Variants in TNS1 observed in about 807,000 individuals in gnomAD.
TNS1 encodes tensin-1.
In TNS1, 62 loss-of-function variants were observed where a neutral mutation model predicts 168.6. The observed-to-expected ratio is 0.37, with a 90% CI of 0.30 to 0.45. The LOEUF (loss-of-function observed/expected upper bound fraction) is 0.45, where lower values mean the gene tolerates loss of function less well. TNS1 is among the 20% of genes least tolerant of loss of function. TNS1 has a pLI of 1.00. For missense variants in TNS1, 2,240 were observed against 2,339.4 expected, an observed-to-expected ratio of 0.96 and a Z score of 0.88; for synonymous variants, 934 against 933.2, an observed-to-expected ratio of 1.00 and a Z score of -0.02.
In TNS1 at chr2:217,881,050, G is replaced by C. The variant is rs201983001; in HGVS notation, c.1313-36C>G. On this transcript the variant is annotated intron_variant, in intron 17 of 32. Transcript: ENST00000682258. ...TGGGAAAGGCAGCGGCAGTCGGGGA[G>C]ACAGTGCAGAGAGGGAAAAGAGATC... is the stretch of plus-strand genomic sequence containing the variant. 1.5e-3 allele frequency: 2,114 copies of C among 1,444,636 alleles called. 2 individuals are homozygous for C. Among genetic ancestry groups the C allele is most frequent in the Non-Finnish European group, 1.9e-3 (1,931 of 1,025,182 alleles). The allele number at this position is 1,444,636 out of a possible 1,614,324, so 89.5% of individuals were successfully genotyped here. A position where few individuals can be genotyped will look rare whatever the true frequency, so the allele number is the denominator to read the frequency against.
At position 217,848,416 on chromosome 2, in the gene TNS1, C is replaced by T. The variant is rs1946987889; in HGVS notation, c.2101G>A (p.Ala701Thr). ...RAGPAHAGHT[A>T]PMRPSYSAQE... ...GCAGAGTAGGAGGGCCGCATGGGGG[C>T]CGTGTGGCCAGCATGGGCAGGCCCC... Residue 701 changes from alanine to threonine, a missense_variant, in exon 19 of 33, where the codon GCC becomes ACC. Physicochemically the swap from Ala to Thr is moderately conservative, Grantham distance 58 (BLOSUM62 0). This residue lies in a region of TNS1 where 2,131 missense variants were observed against 2,171.2 expected (regional missense o/e 0.98). Transcript: ENST00000682258. 3.8e-6 allele frequency: 6 copies of T among 1,599,456 alleles called. No homozygotes were observed. In the East Asian group the frequency reaches 1.1e-4, roughly 30 times the overall value.
At chr2:217,946,800 T>A (rs934184804) in intron 3 of TNS1, among the ~76,000 whole-genome samples, 16 of 151,930 alleles carry the variant, frequency 1.1e-4, no homozygotes, top group African/African-American at 3.6e-4. Context: ...ACCCAGCAAG[T>A]CCCTTGAAAC....
At position 217,995,534 on chromosome 2, in the gene TNS1, T is replaced by C. The variant is rs1958453686; in HGVS notation, c.34-4478A>G. Among the ~76,000 whole-genome samples the C allele has an allele frequency of 6.6e-6, 1 of 152,126 alleles. No individual in the cohort carries two copies. The highest frequency in any genetic ancestry group is 2.4e-5 in the African/African-American group (1 of 41,406). ...CCTACCCAGCCCTCCCCCCGGGTTG[T>C]TCTGCAGGTACAGGCAGAGGATGTA... On this transcript the variant is annotated intron_variant, in intron 1 of 32. Coordinates refer to ENST00000682258, the MANE Select transcript of TNS1 (RefSeq NM_001387777.1). The surrounding 1 kb of genome is among the most constrained non-coding windows in gnomAD (Gnocchi z 4.1).
intron 1 of TNS1, among the ~76,000 whole-genome samples, chr2:217,999,340 G>A (rs1958521841): frequency 6.6e-6 from 1 of 152,184 alleles, no homozygotes; most frequent in African/African-American, 2.4e-5. Context: ...TGTATGTGTG[G>A]ATTAGCTCAT....
chr2:217,824,688 C>T (rs1363943300), intron 22 of TNS1, among the ~76,000 whole-genome samples: 1 of 152,138 alleles, frequency 6.6e-6, no homozygotes, highest in African/African-American at 2.4e-5. Context: ...GAGGGAGTCT[C>T]ACCCACAGCC....
chr2:217,938,242 C>T (rs1468105343), intron 3 of TNS1, among the ~76,000 whole-genome samples: 2 of 152,214 alleles, frequency 1.3e-5, no homozygotes, highest in Non-Finnish European at 2.9e-5. Flanking sequence ...CCCAGAGCAA[C>T]CCCAGCCTCC....
intron 1 of TNS1, among the ~76,000 whole-genome samples, chr2:218,030,899 G>C (rs1958886301): frequency 6.6e-6 from 1 of 152,162 alleles, no homozygotes; most frequent in Non-Finnish European, 1.5e-5. Context: ...GTGTGTGTAT[G>C]CATGTATGCG....
chr2:218,008,321 G>A (rs571254284), intron 1 of TNS1, among the ~76,000 whole-genome samples: 113 of 152,300 alleles, frequency 7.4e-4, no homozygotes, highest in African/African-American at 2.6e-3. Context: ...ACCCCCAGTC[G>A]CCAGCTCAAA....
At chr2:217,911,836 CT>C (rs1160782334) in intron 4 of TNS1, among the ~76,000 whole-genome samples, 5 of 152,234 alleles carry the variant, frequency 3.3e-5, no homozygotes, top group Non-Finnish European at 7.3e-5. Context: ...GGGGAACAAG[CT>C]TTCTGAAAAT....
At chr2:217,884,235 A>G (rs1950971941) in intron 16 of TNS1, among the ~76,000 whole-genome samples, 1 of 151,792 alleles carries the variant, frequency 6.6e-6, no homozygotes, top group South Asian at 2.1e-4. Context: ...TAATGAAGGG[A>G]TGGATTAATG....
chr2:217,841,235 G>C, intron 19 of TNS1: 8 of 985,154 alleles, frequency 8.1e-6, no homozygotes, highest in African/African-American at 1.7e-5. Context: ...TGGAGAGGAG[G>C]GGGCGGGAAG....
intron 3 of TNS1, among the ~76,000 whole-genome samples, chr2:217,966,859 G>A (rs1015310801): frequency 2.6e-5 from 4 of 152,312 alleles, no homozygotes; most frequent in East Asian, 1.9e-4. Context: ...TCTCAGACCC[G>A]AGCAGGAAGC....
chr2:217,817,898 G>T lies in TNS1; in HGVS notation c.4434C>A (p.Ser1478=). The T allele has an allele frequency of 6.2e-7, 1 of 1,613,986 alleles. No homozygotes were observed. The highest frequency in any genetic ancestry group is 2.2e-5 in the East Asian group (1 of 44,878). ...SSPATSPSPD[S]AAFRQGSPTP... is the part of the protein sequence containing the mutation. ...TTGGGCTCCCTTGCCGGAAGGCTGC[G>T]GAGTCTGGTGACGGGGAGGTGGCAG... The change falls in exon 24 of 33, where the codon TCC becomes TCA. Residue 1478 remains serine, a synonymous_variant. Transcript: ENST00000682258.
At chr2:217,830,265 C>A (rs1443303728) in intron 22 of TNS1, 1 of 1,457,150 alleles carries the variant, frequency 6.9e-7, no homozygotes, top group Non-Finnish European at 9.5e-7. Context: ...TCTACTGATC[C>A]CCCGTGGCTC....
chr2:217,837,979 C>T (rs1489126919), intron 19 of TNS1, among the ~76,000 whole-genome samples: 2 of 152,258 alleles, frequency 1.3e-5, no homozygotes. Flanking sequence ...AACACTGCCA[C>T]TGATTTCATT....
rs1166899142 is a variant in TNS1 at position 217,851,678 on chromosome 2, C to A, written c.1430-2591G>T. ...GCTAAAATACATTCTGAATCTCCAC[C>A]AACCTGGCCCTGTGCCTAGACCCCT... On this transcript the variant is annotated intron_variant, in intron 18 of 32. Transcript: ENST00000682258. Among the ~76,000 whole-genome samples, 9 of 152,178 alleles carry A rather than the reference C, an allele frequency of 5.9e-5. No homozygotes were observed. In the East Asian group the frequency reaches 1.4e-3, roughly 23 times the overall value.
intron 28 of TNS1, among the ~76,000 whole-genome samples, chr2:217,810,733 C>T (rs1940708899): frequency 6.6e-6 from 1 of 152,092 alleles, no homozygotes; most frequent in South Asian, 2.1e-4. Context: ...TCAATAAATC[C>T]CCTAATTCCC....
chr2:217,982,132 A>G lies in TNS1; in HGVS notation c.149-3330T>C, dbSNP rs1199021781. Among the ~76,000 whole-genome samples the G allele has an allele frequency of 2.6e-5, 4 of 152,290 alleles. No individual in the cohort carries two copies. In the East Asian group the frequency reaches 7.7e-4, roughly 29 times the overall value. On this transcript the variant is annotated intron_variant, in intron 2 of 32. Transcript: ENST00000682258. ...CAGTGACCATGTCGTGAAAACACTC[A>G]AGCAGCCCTATGGAGAGGGCCATGT...
At chr2:217,815,568 G>C (rs892747030) in intron 24 of TNS1, among the ~76,000 whole-genome samples, 1 of 152,204 alleles carries the variant, frequency 6.6e-6, no homozygotes, top group East Asian at 1.9e-4. Context: ...TCCCCTGCCC[G>C]CCATCTGGGT....
Sources: allele counts gnomAD v4.1 joint callset (sites outside exome capture counted in the v4.1 genomes callset), GRCh38; gene constraint gnomAD v4.1.1; regional missense constraint gnomAD v4.1.1; non-coding constraint Gnocchi (gnomAD v3.1); transcripts MANE v1.5; gene names NCBI Gene and HGNC (gene_info 2026-07-23, HGNC 2026-07-21).